SPATA6: variants seen among roughly 807,000 people sequenced by gnomAD.
SPATA6 encodes the protein spermatogenesis associated 6, also known as spermatogenesis-associated protein 6.
Under a neutral mutation model 65.3 loss-of-function variants are expected in SPATA6, and 56 were observed. The ratio of observed to expected loss-of-function variants is 0.86; its 90% CI spans 0.69 to 1.07. SPATA6 has a LOEUF of 1.07. Ranked by LOEUF, SPATA6 falls within the 50% of genes least tolerant of loss-of-function variation. The probability of loss-of-function intolerance (pLI) is 0.00; values close to 1 mark genes in which losing one functional copy is unlikely to be tolerated. For synonymous variants in SPATA6, 199 were observed against 213.2 expected (o/e 0.93, Z 0.58); for missense variants, 590 against 594.8 (o/e 0.99, Z 0.08).
At chr1:48,452,861 G>A (rs1330065776) in intron 2 of SPATA6, 133 bp downstream of exon 2, 10 of 1,115,032 alleles carry the variant, frequency 9.0e-6, no homozygotes, top group Non-Finnish European at 1.2e-5. Flanking sequence ...CCAGGCTTAG[G>A]TTACAAATGT....
chr1:48,276,106 T>C, the SPATA6 span, among the ~76,000 whole-genome samples: 1 of 152,204 alleles, frequency 6.6e-6, no homozygotes, highest in Non-Finnish European at 1.5e-5. Context: ...TTCTACATTT[T>C]CTAGTTTATT....
chr1:48,267,083 T>A, the SPATA6 span, among the ~76,000 whole-genome samples: 24 of 152,060 alleles, frequency 1.6e-4, no homozygotes, highest in East Asian at 4.1e-3. Context: ...ATAATAATAA[T>A]AAATATTATT....
chr1:48,298,527 A>G lies in SPATA6; in HGVS notation c.*186T>C. The G allele has an allele frequency of 1.9e-6, 1 of 533,642 alleles. No individual in the cohort carries two copies. Among genetic ancestry groups the G allele is most frequent in the South Asian group, 3.7e-5 (1 of 27,130 alleles). The allele number at this position is 533,642 out of a possible 1,614,324, so 33.1% of individuals were successfully genotyped here. A position where few individuals can be genotyped will look rare whatever the true frequency, so the allele number is the denominator to read the frequency against. The stretch of plus-strand genomic sequence containing the variant: ...TTTGTAACACAGCAGACTCTTCTGT[A>G]ATAATTATTTTAAAAGGCTTGCCTA... On this transcript the variant is annotated 3_prime_UTR_variant, in exon 13 of 13. Transcript: ENST00000371847.
In SPATA6 at chr1:48,451,434, G is replaced by T. The variant is rs533059325; in HGVS notation, c.238+118C>A. 1.1e-5 allele frequency: 9 copies of T among 783,838 alleles called. No individual in the cohort carries two copies. The Admixed American group carries it at 2.3e-4, about 20-fold the overall frequency. 48.6% of individuals were successfully genotyped at this position (783,838 alleles called of 1,614,324 possible). ...AAAGTATTAAAAAGTCTCAGCTCAA[G>T]ATTTTTAAAGTTCTACTAACCCCTT... is the stretch of plus-strand genomic sequence containing the variant. On this transcript the variant is annotated intron_variant, in intron 3 of 12. Coordinates refer to ENST00000371847, the MANE Select transcript of SPATA6 (RefSeq NM_019073.4).
intron 9 of SPATA6, among the ~76,000 whole-genome samples, chr1:48,382,472 C>A (rs1226640622): frequency 8.0e-6 from 1 of 125,228 alleles, no homozygotes; most frequent in Non-Finnish European, 1.7e-5. Flanking sequence ...CTGTCCCCCC[C>A]ACCTCCCTCC....
chr1:48,364,372 G>A (rs368934783), intron 9 of SPATA6, among the ~76,000 whole-genome samples: 10 of 152,246 alleles, frequency 6.6e-5, no homozygotes, highest in East Asian at 1.9e-4. Context: ...CTGAGGAATC[G>A]CCACACTGAC....
intron 3 of SPATA6, chr1:48,436,103 C>T (rs1194876180): frequency 4.3e-6 from 7 of 1,609,756 alleles, no homozygotes; most frequent in Non-Finnish European, 5.9e-6. Context: ...TCCACTAGAG[C>T]CAGTGAAGTA....
intron 3 of SPATA6, among the ~76,000 whole-genome samples, chr1:48,418,738 GAGGAAGGAAGGA>G (rs1189844449): frequency 7.1e-6 from 1 of 140,256 alleles, no homozygotes; most frequent in East Asian, 2.1e-4. Context: ...GAAAGCAAGA[GAGGAAGGAAGGA>G]AGGAGGGAAG....
chr1:48,404,158 T>C (rs559088934), intron 5 of SPATA6, among the ~76,000 whole-genome samples: 21 of 152,282 alleles, frequency 1.4e-4, no homozygotes, highest in Non-Finnish European at 2.6e-4. Flanking sequence ...TCAAATTGTT[T>C]TAAATTTTTA....
At chr1:48,285,047 G>T in the SPATA6 span, among the ~76,000 whole-genome samples, 3 of 152,282 alleles carry the variant, frequency 2.0e-5, no homozygotes, top group East Asian at 5.8e-4. Context: ...CTTCCCCCAG[G>T]TGCTCTGTCC....
intron 8 of SPATA6, among the ~76,000 whole-genome samples, chr1:48,389,843 T>A (rs1649864839): frequency 6.7e-6 from 1 of 149,150 alleles, no homozygotes; most frequent in East Asian, 2.0e-4. Context: ...CACACGAAAA[T>A]ACAAAACTCA....
chr1:48,313,764 G>A (rs953452573), intron 11 of SPATA6, among the ~76,000 whole-genome samples: 7 of 152,092 alleles, frequency 4.6e-5, no homozygotes, highest in African/African-American at 1.7e-4. Flanking sequence ...TGGATAAAGA[G>A]TCAAGACCCA....
Position 48,411,500 on chromosome 1 carries a change from G to T in SPATA6, c.369C>A (p.Asn123Lys). The T allele has an allele frequency of 6.2e-7, 1 of 1,610,200 alleles. No individual in the cohort carries two copies. The highest frequency in any genetic ancestry group is 1.1e-5 in the South Asian group (1 of 89,986). Residue 123 changes from asparagine to lysine, a missense_variant, in exon 5 of 13, where the codon AAC (asparagine) becomes AAA (lysine). By Grantham distance (94) the Asn-to-Lys change is moderately conservative. Coordinates refer to ENST00000371847, the MANE Select transcript of SPATA6 (RefSeq NM_019073.4). ...AAATCCTCCTCATGGTAACCTGGCGGTTTGAATCATGGTGTCCAGACATTT... is the reference window on the plus strand; with the variant it reads ...AAATCCTCCTCATGGTAACCTGGCGTTTTGAATCATGGTGTCCAGACATTT... Reference protein sequence around the residue: ...PNQMSGHHDSNRQVTMRRISG... With the variant: ...PNQMSGHHDSKRQVTMRRISG...
At chr1:48,413,450 C>T (rs920560096) in intron 3 of SPATA6, among the ~76,000 whole-genome samples, 11 of 142,828 alleles carry the variant, frequency 7.7e-5, no homozygotes, top group Non-Finnish European at 1.4e-4. Context: ...CCACCACGCC[C>T]GGATACTTTT....
chr1:48,354,083 G>A (rs1646589165), intron 11 of SPATA6, among the ~76,000 whole-genome samples: 1 of 152,100 alleles, frequency 6.6e-6, no homozygotes, highest in African/African-American at 2.4e-5. Flanking sequence ...ACACAACAGA[G>A]GATATCCCAA....
chr1:48,355,445 T>C (rs1025152830), intron 11 of SPATA6: 5 of 375,194 alleles, frequency 1.3e-5, no homozygotes, highest in African/African-American at 4.2e-5. Context: ...ATCACTAACA[T>C]TGTTTATAGT....
At chr1:48,311,735 G>A (rs1239420089) in intron 11 of SPATA6, among the ~76,000 whole-genome samples, 1 of 152,204 alleles carries the variant, frequency 6.6e-6, no homozygotes, top group Non-Finnish European at 1.5e-5. Flanking sequence ...GACAGTGGGT[G>A]CAGTGCACCG....
At chr1:48,277,099 C>CTTTTTTTTTTTTTTT in the SPATA6 span, among the ~76,000 whole-genome samples, 8 of 126,440 alleles carry the variant, frequency 6.3e-5, no homozygotes, top group African/African-American at 5.8e-5. Context: ...TTGTTTTTTG[C>CTTTTTTTTTTTTTTT]TTTTTTTTTT....
At chr1:48,396,944 T>A (rs1392063389) in intron 7 of SPATA6, among the ~76,000 whole-genome samples, 3 of 151,700 alleles carry the variant, frequency 2.0e-5, no homozygotes, top group East Asian at 1.9e-4. Context: ...AACCACAATT[T>A]AAAAAAACAA....
Sources: allele counts gnomAD v4.1 joint callset (sites outside exome capture counted in the v4.1 genomes callset), GRCh38; gene constraint gnomAD v4.1.1; transcripts MANE v1.5; gene names NCBI Gene and HGNC (gene_info 2026-07-23, HGNC 2026-07-21).